MID1: variants seen among roughly 807,000 people sequenced by gnomAD.
The protein encoded by MID1 is midline 1, also known as E3 ubiquitin-protein ligase Midline-1.
Under a neutral mutation model 40.4 loss-of-function variants are expected in MID1, and 7 were observed. The observed-to-expected ratio is 0.17, with a 90% CI of 0.10 to 0.33. The LOEUF (loss-of-function observed/expected upper bound fraction) is 0.33. MID1 is among the 10% of genes least tolerant of loss of function. The pLI is 1.00. For missense variants in MID1, 367 were observed against 558.5 expected (o/e 0.66, Z 3.46); for synonymous variants, 229 against 221.2 (o/e 1.04, Z -0.31).
chrX:10,571,855 C>CT (rs1934735294), intron 1 of MID1, among the ~76,000 whole-genome samples: 1 of 109,929 alleles, frequency 9.1e-6, no homozygotes, highest in Non-Finnish European at 1.9e-5. Context: ...TGCCAATGCA[C>CT]TACAGCCTGG....
chrX:10,721,123 C>T (rs184193834), intron 1 of MID1, among the ~76,000 whole-genome samples: 2,518 of 110,064 alleles, frequency 0.023, 27 homozygotes, highest in African/African-American at 0.03. Flanking sequence ...GGGTGCAGCA[C>T]GCCAACATGG....
chrX:10,572,187 TACACACACACACAC>T (rs376684211), intron 1 of MID1, among the ~76,000 whole-genome samples: 6 of 91,016 alleles, frequency 6.6e-5, no homozygotes, highest in Non-Finnish European at 1.1e-4. Context: ...ATGTATCTAA[TACACACACACACAC>T]ACACACACAC....
intron 4 of MID1, among the ~76,000 whole-genome samples, chrX:10,483,382 A>G (rs1370690652): frequency 8.9e-6 from 1 of 111,942 alleles, no homozygotes; most frequent in African/African-American, 3.2e-5. Flanking sequence ...CCAATTCCTG[A>G]TTCTGTCTCG....
At chrX:10,704,714 GTGTATA>G (rs1277145368) in intron 1 of MID1, among the ~76,000 whole-genome samples, 22 of 68,959 alleles carry the variant, frequency 3.2e-4, no homozygotes, top group African/African-American at 1.0e-3. Flanking sequence ...ATGTGTGTGT[GTGTATA>G]TATATATATA....
chrX:10,657,058 A>T (rs2042879559), intron 1 of MID1, among the ~76,000 whole-genome samples: 1 of 111,277 alleles, frequency 9.0e-6, no homozygotes, highest in South Asian at 3.8e-4. Flanking sequence ...GAAGTGCTGG[A>T]GAATTAATGT....
intron 1 of MID1, among the ~76,000 whole-genome samples, chrX:10,823,178 T>C (rs936178519): frequency 9.0e-5 from 10 of 111,597 alleles, no homozygotes; most frequent in Middle Eastern, 4.6e-3. Context: ...TGCAGGGACA[T>C]GGATGGAGCT....
In MID1 at chrX:10,613,762, GAGAGAGAC is replaced by G. The variant is rs1183720429; in HGVS notation, c.-57+6520_-57+6527del. 5.2e-3 allele frequency among the ~76,000 whole-genome samples: 451 copies of G among 86,015 alleles called. 2 individuals carry two copies. The highest frequency in any genetic ancestry group is 0.014 in the African/African-American group (285 of 19,993). 74.7% of individuals were successfully genotyped at this position (86,015 alleles called of 115,157 possible). A position where few individuals can be genotyped will look rare whatever the true frequency, so the allele number is the denominator to read the frequency against. On this transcript the variant is annotated intron_variant, in intron 1 of 9. Transcript: ENST00000317552. ...AGAGAGAGAGAGAGAGAGAGAGAGA[GAGAGAGAC>G]AGACAGACAGACAGACAGACAGAGA...
intron 1 of MID1, among the ~76,000 whole-genome samples, chrX:10,795,235 AC>A (rs2043960133): frequency 1.8e-5 from 2 of 112,510 alleles, no homozygotes. Flanking sequence ...ACTGTTCAAA[AC>A]ATTGTGATAT....
intron 1 of MID1, among the ~76,000 whole-genome samples, chrX:10,763,142 T>C (rs919021286): frequency 9.0e-6 from 1 of 110,868 alleles, no homozygotes; most frequent in Admixed American, 9.5e-5. Context: ...GCTGGTTTTT[T>C]TTTTTTTGCC....
chrX:10,630,391 G>A (rs1936039198), intron 1 of MID1, among the ~76,000 whole-genome samples: 1 of 111,165 alleles, frequency 9.0e-6, no homozygotes, highest in South Asian at 3.8e-4. Context: ...AGTTACCCGG[G>A]CAGAGGAAAC....
chrX:10,477,126 C>T (rs1458266132), intron 5 of MID1, among the ~76,000 whole-genome samples: 1 of 112,358 alleles, frequency 8.9e-6, no homozygotes, highest in African/African-American at 3.2e-5. Flanking sequence ...AATTCTCCAT[C>T]ATAATGTCTG....
Position 10,566,901 on chromosome X carries a change from T to C in MID1, c.647A>G (p.Tyr216Cys), listed in dbSNP as rs1934572782. 1 of 1,209,809 alleles carries C rather than the reference T, an allele frequency of 8.3e-7. No homozygotes were observed. Among genetic ancestry groups the C allele is most frequent in the Non-Finnish European group, 1.1e-6 (1 of 895,164 alleles). The change falls in exon 2 of 10, where the codon TAT becomes TGT. Residue 216 changes from tyrosine to cysteine, a missense_variant. Physicochemically the swap from Tyr to Cys is radical, Grantham distance 194. This residue lies in a region of MID1 where 275 missense variants were observed against 383.1 expected (regional missense o/e 0.72). Transcript: ENST00000317552. ...DHQVAALSERYDKLKQNLESN... is the reference protein window; with the variant it reads ...DHQVAALSERCDKLKQNLESN... ...GATCGGACTAACCTTCAATTTGTCA[T>C]AGCGCTCACTCAAAGCTGCCACCTG...
chrX:10,766,881 C>T lies in MID1; in HGVS notation c.-187+66673G>A, dbSNP rs368608304. Among the ~76,000 whole-genome samples the T allele has an allele frequency of 2.9e-4, 31 of 106,808 alleles. No homozygotes were observed. The East Asian group carries it at 8.2e-3, about 28-fold the overall frequency. 92.7% of individuals were successfully genotyped at this position (106,808 alleles called of 115,157 possible). A position where few individuals can be genotyped will look rare whatever the true frequency, so the allele number is the denominator to read the frequency against. ...CCATGATCATGCCACTGCACTCCAG[C>T]CTGGGTGACAGAGCAAGACCCTGCC... is the stretch of plus-strand genomic sequence containing the variant. On this transcript the variant is annotated intron_variant, in intron 1 of 10. Coordinates refer to the MID1 transcript ENST00000380785.
intron 3 of MID1, among the ~76,000 whole-genome samples, chrX:10,519,444 A>C (rs1019653109): frequency 4.5e-5 from 5 of 111,868 alleles, no homozygotes; most frequent in Non-Finnish European, 9.4e-5. Flanking sequence ...AGGCTTGCCA[A>C]AAGAGAATCC....
At chrX:10,765,922 AGAAAGGAAAGGAAAGGAAAG>A (rs1206063913) in intron 1 of MID1, among the ~76,000 whole-genome samples, 5 of 97,863 alleles carry the variant, frequency 5.1e-5, no homozygotes, top group African/African-American at 2.1e-4. Context: ...AAAGAAAGAA[AGAAAGGAAAGGAAAGGAAAG>A]GAAAGAAAGA....
chrX:10,646,898 G>T (rs1936267600), intron 1 of MID1, among the ~76,000 whole-genome samples: 1 of 111,637 alleles, frequency 9.0e-6, no homozygotes, highest in African/African-American at 3.3e-5. Context: ...GAAAAAGAAG[G>T]TGTGAAACAG....
intron 3 of MID1, among the ~76,000 whole-genome samples, chrX:10,510,643 C>T (rs138956590): frequency 0.012 from 1,312 of 106,618 alleles, 34 homozygotes; most frequent in Admixed American, 0.07. Flanking sequence ...CCATCCTGGC[C>T]AACTTGGCGA....
intron 4 of MID1, among the ~76,000 whole-genome samples, chrX:10,494,348 T>C (rs1359553997): frequency 5.3e-5 from 6 of 112,186 alleles, no homozygotes; most frequent in Non-Finnish European, 1.1e-4. Context: ...GTGTTTCACT[T>C]AAAACTTGCT....
intron 2 of MID1, among the ~76,000 whole-genome samples, chrX:10,534,241 A>T (rs192505328): frequency 8.9e-6 from 1 of 111,863 alleles, no homozygotes; most frequent in East Asian, 2.8e-4. Context: ...ACTAATGAAC[A>T]TGTTCTGGTC....
Sources: gnomAD v4.1 joint callset for allele counts (sites outside exome capture counted in the v4.1 genomes callset) on GRCh38, gnomAD v4.1.1 for gene constraint, gnomAD v4.1.1 regional missense constraint, MANE v1.5 for transcripts, NCBI Gene and HGNC (gene_info 2026-07-23, HGNC 2026-07-21) for gene names.